The following FOLH1 variants were observed in gnomAD, a reference collection of about 807,000 sequenced individuals.
The protein encoded by FOLH1 is glutamate carboxypeptidase 2.
Under a neutral mutation model 93.9 loss-of-function variants are expected in FOLH1, and 54 were observed. The ratio of observed to expected loss-of-function variants is 0.57; its 90% confidence interval spans 0.46 to 0.72. The LOEUF is 0.72. Ranked by LOEUF, FOLH1 falls within the 30% of genes least tolerant of loss-of-function variation. The probability of loss-of-function intolerance (pLI) is 0.00; values close to 1 mark genes in which losing one functional copy is unlikely to be tolerated. For synonymous variants in FOLH1, 249 were observed against 303.6 expected, an observed-to-expected ratio of 0.82 and a Z score of 1.87; for missense variants, 571 against 892.5, an observed-to-expected ratio of 0.64 and a Z score of 4.59.
intron 12 of FOLH1, among the ~76,000 whole-genome samples, chr11:49,166,419 A>C (rs1858414483): frequency 6.6e-6 from 1 of 152,310 alleles, no homozygotes; most frequent in East Asian, 1.9e-4. Context: ...AGGGATAATA[A>C]AAATATTTAC....
intron 17 of FOLH1, among the ~76,000 whole-genome samples, chr11:49,152,658 C>A (rs1856615499): frequency 6.6e-6 from 1 of 151,968 alleles, no homozygotes; most frequent in Admixed American, 6.6e-5. Context: ...AATTAATTTT[C>A]AAAAAATATT....
intron 11 of FOLH1, among the ~76,000 whole-genome samples, chr11:49,169,957 C>T (rs746904067): frequency 6.6e-6 from 1 of 151,762 alleles, no homozygotes; most frequent in Non-Finnish European, 1.5e-5. Context: ...CAAATTACAC[C>T]GTCAAAATAT....
intron 18 of FOLH1, among the ~76,000 whole-genome samples, chr11:49,148,031 T>C (rs1855985276): frequency 6.6e-6 from 1 of 152,010 alleles, no homozygotes; most frequent in Non-Finnish European, 1.5e-5. Context: ...AGCCCGACCC[T>C]TTGATAATCC....
intron 12 of FOLH1, 89 bp from the exon 13 acceptor site, chr11:49,164,861 T>A (rs1858170831): frequency 9.6e-7 from 1 of 1,045,658 alleles, no homozygotes; most frequent in African/African-American, 1.6e-5. Flanking sequence ...CCTACCAGAA[T>A]GATTGTTTTA....
chr11:49,157,088 C>A (rs928389964), intron 14 of FOLH1, among the ~76,000 whole-genome samples: 3 of 152,034 alleles, frequency 2.0e-5, no homozygotes, highest in Non-Finnish European at 4.4e-5. Context: ...TTCCATTTAT[C>A]ATCTTTATTT....
intron 3 of FOLH1, among the ~76,000 whole-genome samples, chr11:49,198,147 A>G (rs1862828967): frequency 6.6e-6 from 1 of 151,966 alleles, no homozygotes; most frequent in South Asian, 2.1e-4. Context: ...GCAATGGTAT[A>G]GTCAAAACTG....
In FOLH1 at chr11:49,154,239, C is replaced by T. The variant is rs375836358; in HGVS notation, c.1877G>A (p.Ser626Asn). Residue 626 changes from serine (S) to asparagine (N), a missense_variant, in exon 16 of 19, where the codon AGT becomes AAT. This residue lies in a region of FOLH1 where 500 missense variants were observed against 822.9 expected (regional missense o/e 0.61). Coordinates refer to ENST00000256999, the MANE Select transcript of FOLH1 (RefSeq NM_004476.3). ...MKHPQEMKTY[S>N]VSFDSLFSAV... is the part of the protein sequence containing the mutation. ...GAAGGGTAACATACCAAATGATACA[C>T]TGTATGTCTTCATTTCCTGTGGATG... The T allele has an allele frequency of 3.7e-6, 6 of 1,613,314 alleles. No homozygotes were observed. Among genetic ancestry groups the T allele is most frequent in the South Asian group, 1.1e-5 (1 of 91,068 alleles).
At position 49,148,682 on chromosome 11, in the gene FOLH1, C is replaced by G. The variant is rs1231097978; in HGVS notation, c.2020G>C (p.Ala674Pro). The change falls in exon 18 of 19, where the codon GCA becomes CCA. Residue 674 changes from alanine to proline, a missense_variant. By Grantham distance (27) the Ala-to-Pro change is conservative (BLOSUM62 -1). This residue lies in a region of FOLH1 where 500 missense variants were observed against 822.9 expected (regional missense o/e 0.61). Coordinates refer to ENST00000256999, the MANE Select transcript of FOLH1 (RefSeq NM_004476.3). ...GGTAACCCTAATGGATCAATAAATG[C>G]TCTTTCCAGAAACATGAGTTGATCA... ...MNDQLMFLERAFIDPLGLPDR... is the reference protein window; with the variant it reads ...MNDQLMFLERPFIDPLGLPDR... 1 of 1,606,452 alleles carries G rather than the reference C, an allele frequency of 6.2e-7. No homozygotes were observed. The highest frequency in any genetic ancestry group is 2.2e-5 in the East Asian group (1 of 44,490).
chr11:49,180,641 C>G (rs144070727), intron 7 of FOLH1, among the ~76,000 whole-genome samples: 116 of 152,258 alleles, frequency 7.6e-4, no homozygotes, highest in African/African-American at 2.6e-3. Flanking sequence ...GAGAGAACCT[C>G]AGAATTGAGT....
intron 7 of FOLH1, among the ~76,000 whole-genome samples, chr11:49,176,314 G>A (rs1860036567): frequency 6.6e-6 from 1 of 152,122 alleles, no homozygotes; most frequent in South Asian, 2.1e-4. Context: ...CTAACTCTCT[G>A]AAATTTTCCA....
At chr11:49,200,508 A>C (rs1227770679) in intron 2 of FOLH1, 67 bp from the exon 3 acceptor site, 8 of 1,540,488 alleles carry the variant, frequency 5.2e-6, no homozygotes, top group Non-Finnish European at 6.2e-6. Context: ...AAATCAACAA[A>C]GTAAAGCAGA....
intron 4 of FOLH1, among the ~76,000 whole-genome samples, chr11:49,191,163 C>T (rs1178377194): frequency 1.3e-5 from 2 of 152,150 alleles, no homozygotes. Context: ...AGGCGCCCGC[C>T]ACCACTCCCG....
At chr11:49,183,874 G>T (rs1057193135) in intron 6 of FOLH1, among the ~76,000 whole-genome samples, 31 of 152,002 alleles carry the variant, frequency 2.0e-4, no homozygotes, top group African/African-American at 7.5e-4. Context: ...AAATTGACCA[G>T]AAAGGGGTAC....
chr11:49,204,725 T>A (rs545125620), intron 2 of FOLH1, among the ~76,000 whole-genome samples: 1 of 152,326 alleles, frequency 6.6e-6, no homozygotes, highest in East Asian at 1.9e-4. Context: ...TATATGTTTG[T>A]ATGATTATAT....
rs10526900 is a variant in FOLH1, at chr11:49,155,795, CATATATATAT to C, written c.1623+912_1623+921del. Among the ~76,000 whole-genome samples the C allele has an allele frequency of 8.7e-3, 451 of 52,120 alleles. 8 individuals are homozygous for C. The highest frequency in any genetic ancestry group is 0.016 in the African/African-American group (330 of 20,222). 34.2% of individuals were successfully genotyped at this position (52,120 alleles called of 152,430 possible). ...AATTTACTTTGAAGAAAATGAAAAC[CATATATATAT>C]ATATATATATATATATATATATATA... On this transcript the variant is annotated intron_variant, in intron 15 of 18. Coordinates refer to ENST00000256999, the MANE Select transcript of FOLH1 (RefSeq NM_004476.3).
rs182056369 is a variant in FOLH1, at chr11:49,150,290, C to T, written c.1971-1559G>A. ...AAATTAAGAACAATAACATACATAG[C>T]TATGACATCTTTAAAATCTTATAAA... On this transcript the variant is annotated intron_variant, in intron 17 of 18. Transcript: ENST00000256999. Among the ~76,000 whole-genome samples, 790 of 152,200 alleles carry T rather than the reference C, an allele frequency of 5.2e-3. 8 individuals are homozygous for T. The highest frequency in any genetic ancestry group is 0.018 in the African/African-American group (758 of 41,540).
chr11:49,164,124 T>C (rs1327751553), intron 13 of FOLH1, among the ~76,000 whole-genome samples: 1 of 152,192 alleles, frequency 6.6e-6, no homozygotes, highest in East Asian at 1.9e-4. Flanking sequence ...TTGCTTCTAG[T>C]CAGTCATCTT....
Position 49,186,747 on chromosome 11 carries a change from T to A in FOLH1, c.536A>T (p.Tyr179Phe). Residue 179 changes from tyrosine to phenylalanine, a missense_variant, in exon 5 of 19, where the codon TAT (tyrosine) becomes TTT (phenylalanine). By Grantham distance (22) the Tyr-to-Phe change is conservative. Coordinates refer to ENST00000256999, the MANE Select transcript of FOLH1 (RefSeq NM_004476.3). The stretch of plus-strand genomic sequence containing the variant: ...TTTAAAGAAGTCTTCAGTTCGTGCA[T>A]AGTTAACATACACTAGATCGCCCTG... ...MPEGDLVYVN[Y>F]ARTEDFFKLE... The A allele has an allele frequency of 6.2e-7, 1 of 1,612,716 alleles. No individual in the cohort carries two copies. The highest frequency in any genetic ancestry group is 2.2e-5 in the East Asian group (1 of 44,836).
intron 3 of FOLH1, among the ~76,000 whole-genome samples, chr11:49,193,752 C>T (rs1034093510): frequency 1.9e-4 from 29 of 152,178 alleles, no homozygotes; most frequent in Middle Eastern, 3.4e-3. Context: ...TTGGCTTTGC[C>T]TTAGATGGAT....
Sources: gnomAD v4.1 joint callset for allele counts (sites outside exome capture counted in the v4.1 genomes callset) on GRCh38, gnomAD v4.1.1 for gene constraint, gnomAD v4.1.1 regional missense constraint, MANE v1.5 for transcripts, NCBI Gene and HGNC (gene_info 2026-07-23, HGNC 2026-07-21) for gene names.